Variants in ABHD2 observed in about 807,000 individuals in gnomAD.
ABHD2 encodes the protein abhydrolase domain containing 2, acylglycerol lipase.
ABHD2 carries 20 observed loss-of-function variants against 48.1 expected under a neutral mutation model. That is an observed-to-expected ratio of 0.42 (90% CI 0.29 to 0.60). ABHD2 has a LOEUF of 0.60. ABHD2 is among the 20% of genes least tolerant of loss of function. ABHD2 has a pLI of 0.24. For missense variants in ABHD2, 405 were observed against 550.9 expected (o/e 0.74, Z 2.65); for synonymous variants, 209 against 214.2 (o/e 0.98, Z 0.21).
At chr15:89,043,967 T>C in the ABHD2 span, among the ~76,000 whole-genome samples, 13 of 152,156 alleles carry the variant, frequency 8.5e-5, no homozygotes, top group African/African-American at 2.9e-4. Flanking sequence ...GTTAGTTACA[T>C]ATGTATACAT....
rs2050296774 is a variant in ABHD2 at position 89,135,633 on chromosome 15, T to C, written c.195-16044T>C. On this transcript the variant is annotated intron_variant, in intron 3 of 10. Transcript: ENST00000352732. ...CCTCTTCCTTCTTTTTCTTGCTTTT[T>C]TCAGCCTTGACAACTCCCTTTTTTT... 12 of 1,553,130 alleles carry C rather than the reference T, an allele frequency of 7.7e-6. No homozygotes were observed. The East Asian group carries it at 2.8e-4, about 36-fold the overall frequency.
rs1456202899 is a variant in ABHD2 at position 89,166,589 on chromosome 15, C to T, written c.539-9223C>T. ...GTGAGACCCTGTCTCAAAAACAAAA[C>T]AAAAATTATCTCTTGGGCTGGGTAC... On this transcript the variant is annotated intron_variant, in intron 5 of 10. Coordinates refer to ENST00000352732, the MANE Select transcript of ABHD2 (RefSeq NM_152924.5). The surrounding 1 kb of genome is among the most constrained non-coding windows in gnomAD (Gnocchi z 4.6). Among the ~76,000 whole-genome samples, 4 of 151,958 alleles carry T rather than the reference C, an allele frequency of 2.6e-5. No individual in the cohort carries two copies. Among genetic ancestry groups the T allele is most frequent in the African/African-American group, 9.7e-5 (4 of 41,354 alleles).
At chr15:89,073,282 C>G in the ABHD2 span, among the ~76,000 whole-genome samples, 6 of 152,096 alleles carry the variant, frequency 3.9e-5, no homozygotes, top group African/African-American at 1.4e-4. Flanking sequence ...TAGCTAGAAA[C>G]TTGTGTGGAA....
chr15:89,055,016 C>T, the ABHD2 span, among the ~76,000 whole-genome samples: 3 of 151,880 alleles, frequency 2.0e-5, no homozygotes, highest in South Asian at 2.1e-4. Flanking sequence ...ACTTGAGGCC[C>T]GGAGTCCAAG....
chr15:89,144,353 A>T (rs1296070580), intron 3 of ABHD2, among the ~76,000 whole-genome samples: 1 of 152,124 alleles, frequency 6.6e-6, no homozygotes, highest in African/African-American at 2.4e-5. Context: ...GGCTGGTCTC[A>T]AACTCCTGAC....
chr15:89,108,892 G>C (rs963415633), intron 1 of ABHD2, among the ~76,000 whole-genome samples: 9 of 152,312 alleles, frequency 5.9e-5, no homozygotes, highest in African/African-American at 1.9e-4. Flanking sequence ...CTCTTTAGCC[G>C]AGGACCGCAA....
At position 89,091,838 on chromosome 15, in the gene ABHD2, A is replaced by G. The variant is rs557173161; in HGVS notation, c.-107+3275A>G. ...TTTCAGAGTATAGATGATGTGGGGCATGAGTTGCTTTAGCCTTTCTGTTTC... is the reference window on the plus strand; with the variant it reads ...TTTCAGAGTATAGATGATGTGGGGCGTGAGTTGCTTTAGCCTTTCTGTTTC... On this transcript the variant is annotated intron_variant, in intron 1 of 10. Transcript: ENST00000352732. This position sits in a 1 kb window ranked among gnomAD's most constrained non-coding sequence, Gnocchi z 5.5. 2.0e-5 allele frequency among the ~76,000 whole-genome samples: 3 copies of G among 152,212 alleles called. No homozygotes were observed. Among genetic ancestry groups the G allele is most frequent in the Non-Finnish European group, 4.4e-5 (3 of 68,040 alleles).
At position 89,166,306 on chromosome 15, in the gene ABHD2, A is replaced by G. The variant is rs1294009600; in HGVS notation, c.539-9506A>G. ...ATTGAAAATGGCCTCGAATATTTAA[A>G]TTGCTTTTTTCCTGTGAGTTTAAAC... On this transcript the variant is annotated intron_variant, in intron 5 of 10. Transcript: ENST00000352732. The surrounding 1 kb of genome is among the most constrained non-coding windows in gnomAD (Gnocchi z 4.6). 6.6e-6 allele frequency among the ~76,000 whole-genome samples: 1 copy of G among 152,060 alleles called. No homozygotes were observed. The highest frequency in any genetic ancestry group is 1.5e-5 in the Non-Finnish European group (1 of 68,000).
chr15:89,128,582 T>C (rs1440874940), intron 3 of ABHD2, among the ~76,000 whole-genome samples: 1 of 152,230 alleles, frequency 6.6e-6, no homozygotes, highest in East Asian at 1.9e-4. Context: ...AAAAATGATC[T>C]TGGTGCTGCT....
chr15:89,201,807 G>A lies in ABHD2; in HGVS notation c.*6384G>A. ...GGCCCCGGAGGCAGACGCCATTGGAGAGACAGCGCAGAGCAGGGGGCGGCT... is the reference window on the plus strand; with the variant it reads ...GGCCCCGGAGGCAGACGCCATTGGAAAGACAGCGCAGAGCAGGGGGCGGCT... On this transcript the variant is annotated 3_prime_UTR_variant, in exon 11 of 11. Transcript: ENST00000352732. 1.5e-6 allele frequency: 2 copies of A among 1,354,690 alleles called. No individual in the cohort carries two copies. Among genetic ancestry groups the A allele is most frequent in the Non-Finnish European group, 1.1e-6 (1 of 950,594 alleles). The allele number at this position is 1,354,690 out of a possible 1,614,324, so 83.9% of individuals were successfully genotyped here.
At chr15:89,143,401 C>T (rs1478154089) in intron 3 of ABHD2, among the ~76,000 whole-genome samples, 1 of 152,220 alleles carries the variant, frequency 6.6e-6, no homozygotes, top group African/African-American at 2.4e-5. Context: ...AGTGCGGTGG[C>T]TCACGCCTGT....
At chr15:89,049,510 A>T in the ABHD2 span, among the ~76,000 whole-genome samples, 1 of 152,076 alleles carries the variant, frequency 6.6e-6, no homozygotes, top group East Asian at 1.9e-4. Flanking sequence ...TTGCAGTTTG[A>T]TCTCAGACTG....
rs2051454465 is a variant in ABHD2 at position 89,200,405 on chromosome 15, A to AG, written c.*4982_*4983insG. On this transcript the variant is annotated 3_prime_UTR_variant, in exon 11 of 11. Transcript: ENST00000352732. ...TTCCCAGACAGTTGGGCGGCCAGGCAAGCGCTCCTCACTTCCCAGATGGGG... is the reference window on the plus strand; with the variant it reads ...TTCCCAGACAGTTGGGCGGCCAGGCAGAGCGCTCCTCACTTCCCAGATGGGG... The AG allele has an allele frequency of 1.3e-5, 2 of 150,454 alleles. No individual in the cohort carries two copies. Among genetic ancestry groups the AG allele is most frequent in the African/African-American group, 5.1e-5 (2 of 39,476 alleles). 9.3% of individuals were successfully genotyped at this position (150,454 alleles called of 1,614,324 possible). A position where few individuals can be genotyped will look rare whatever the true frequency, so the allele number is the denominator to read the frequency against.
rs1010983398 is a variant in ABHD2 at position 89,164,210 on chromosome 15, C to A, written c.538+8676C>A. On this transcript the variant is annotated intron_variant, in intron 5 of 10. Coordinates refer to ENST00000352732, the MANE Select transcript of ABHD2 (RefSeq NM_152924.5). The surrounding 1 kb of genome is among the most constrained non-coding windows in gnomAD (Gnocchi z 5.0). ...AAGATCCCAGTCTATGAGGAACTCT[C>A]ACCATCTAGTTGGGGAAGGAGGGTG... 6.6e-6 allele frequency among the ~76,000 whole-genome samples: 1 copy of A among 152,206 alleles called. No homozygotes were observed. Among genetic ancestry groups the A allele is most frequent in the Non-Finnish European group, 1.5e-5 (1 of 68,048 alleles).
In ABHD2 at chr15:89,092,938, AT is replaced by A. The variant is rs1351671775; in HGVS notation, c.-107+4380del. Among the ~76,000 whole-genome samples the A allele has an allele frequency of 5.9e-5, 9 of 152,178 alleles. No individual in the cohort carries two copies. The highest frequency in any genetic ancestry group is 2.1e-4 in the South Asian group (1 of 4,820). On this transcript the variant is annotated intron_variant, in intron 1 of 10. Coordinates refer to ENST00000352732, the MANE Select transcript of ABHD2 (RefSeq NM_152924.5). The surrounding 1 kb of genome is among the most constrained non-coding windows in gnomAD (Gnocchi z 4.4). The stretch of plus-strand genomic sequence containing the variant: ...ATCTTGTGAATATTTGGAGGCAAAT[AT>A]TTTTCTTTTCTGTGAGAGCCCGGGG...
intron 5 of ABHD2, among the ~76,000 whole-genome samples, chr15:89,169,064 G>C (rs1394173401): frequency 6.6e-6 from 1 of 152,128 alleles, no homozygotes; most frequent in African/African-American, 2.4e-5. Flanking sequence ...CTGTACTCCA[G>C]CCTAGGGAGA....
At chr15:89,074,305 G>A in the ABHD2 span, among the ~76,000 whole-genome samples, 1 of 152,062 alleles carries the variant, frequency 6.6e-6, no homozygotes, top group East Asian at 1.9e-4. Flanking sequence ...GAACCCGGGC[G>A]GTGGAGGTTG....
At chr15:89,108,658 G>A (rs1394023494) in intron 1 of ABHD2, among the ~76,000 whole-genome samples, 1 of 152,160 alleles carries the variant, frequency 6.6e-6, no homozygotes, top group Non-Finnish European at 1.5e-5. Flanking sequence ...GTGAATATTG[G>A]TGTTCCAAGG....
chr15:89,074,367 C>T, the ABHD2 span, among the ~76,000 whole-genome samples: 1 of 150,290 alleles, frequency 6.7e-6, no homozygotes, highest in African/African-American at 2.5e-5. Flanking sequence ...AAGAGCGAAA[C>T]TCCATCTGAA....
Sources: gnomAD v4.1 joint callset for allele counts (sites outside exome capture counted in the v4.1 genomes callset) on GRCh38, gnomAD v4.1.1 for gene constraint, Gnocchi (gnomAD v3.1) non-coding constraint, MANE v1.5 for transcripts, NCBI Gene and HGNC (gene_info 2026-07-23, HGNC 2026-07-21) for gene names.